The following KDM4A variants were observed in gnomAD, a reference collection of about 807,000 sequenced individuals.
KDM4A encodes the protein lysine-specific demethylase 4A.
In KDM4A, 23 loss-of-function variants were observed where a neutral mutation model predicts 127.1. That is an observed-to-expected ratio of 0.18 (90% CI 0.13 to 0.26). The LOEUF is 0.26. KDM4A is among the 10% of genes least tolerant of loss of function. The pLI, the probability that KDM4A is intolerant of heterozygous loss-of-function variation, is 1.00. For synonymous variants in KDM4A, 443 were observed against 466.5 expected (o/e 0.95, Z 0.65); for missense variants, 890 against 1,329.1 (o/e 0.67, Z 5.14).
intron 5 of KDM4A, 31 bp downstream of exon 5, chr1:43,663,118 T>C: frequency 1.9e-6 from 3 of 1,589,320 alleles, no homozygotes; most frequent in Non-Finnish European, 2.6e-6. Flanking sequence ...GCACCGGGCT[T>C]CTATGCTAGA....
At position 43,655,684 on chromosome 1, in the gene KDM4A, C is replaced by T; in HGVS notation, c.232C>T (p.Gln78Ter). Residue 78 changes from glutamine (Q) to a stop codon, truncating the protein, a stop_gained, in exon 3 of 22, where the codon CAG becomes TAG. Transcript: ENST00000372396. LOFTEE classifies it high-confidence loss of function. ...PAPIQQLVTG[Q>*]SGLFTQYNIQ... The stretch of plus-strand genomic sequence containing the variant: ...CCCCATTCAACAGCTGGTGACGGGG[C>T]AGTCTGGCCTCTTTACTCAGTACAA... 6.2e-7 allele frequency: 1 copy of T among 1,613,970 alleles called. No homozygotes were observed.
At chr1:43,658,253 G>C (rs543229112) in intron 3 of KDM4A, among the ~76,000 whole-genome samples, 59 of 151,806 alleles carry the variant, frequency 3.9e-4, no homozygotes, top group Non-Finnish European at 7.5e-4. Flanking sequence ...TGTATTTTTA[G>C]TAGAGACGGG....
chr1:43,697,433 C>G (rs1661267248), intron 18 of KDM4A, among the ~76,000 whole-genome samples: 1 of 152,224 alleles, frequency 6.6e-6, no homozygotes, highest in Admixed American at 6.5e-5. Flanking sequence ...GGTAATGCTG[C>G]AGGTGCTAAG....
intron 1 of KDM4A, among the ~76,000 whole-genome samples, chr1:43,650,837 C>T (rs998040616): frequency 9.9e-5 from 15 of 152,148 alleles, no homozygotes; most frequent in Admixed American, 8.5e-4. Context: ...CGGCAGAGAC[C>T]GGATCTGTAT....
At chr1:43,686,155 T>C (rs1027051307) in intron 12 of KDM4A, among the ~76,000 whole-genome samples, 3 of 140,902 alleles carry the variant, frequency 2.1e-5, no homozygotes, top group Non-Finnish European at 3.1e-5. Flanking sequence ...TTTCTTGTTT[T>C]TTTTTTTTTT....
chr1:43,683,904 C>A, intron 12 of KDM4A, 100 bp downstream of exon 12: 1 of 1,376,368 alleles, frequency 7.3e-7, no homozygotes, highest in Non-Finnish European at 1.0e-6. Flanking sequence ...AAGGGTGGGC[C>A]TGTGGCTTAG....
At chr1:43,678,595 T>G (rs900759601) in intron 11 of KDM4A, among the ~76,000 whole-genome samples, 3 of 150,926 alleles carry the variant, frequency 2.0e-5, no homozygotes, top group Non-Finnish European at 4.4e-5. Flanking sequence ...AGGTTTTTTT[T>G]TTTTTTTTTT....
At chr1:43,659,953 C>T (rs963051556) in intron 3 of KDM4A, among the ~76,000 whole-genome samples, 4 of 152,128 alleles carry the variant, frequency 2.6e-5, no homozygotes, top group African/African-American at 9.7e-5. Context: ...ATGTAGGGAC[C>T]TTGGGTCTTG....
At chr1:43,691,438 A>C in intron 14 of KDM4A, 58 bp from the exon 15 acceptor site, 1 of 1,403,676 alleles carries the variant, frequency 7.1e-7, no homozygotes, top group Non-Finnish European at 1.0e-6. Context: ...GGAATTGCAA[A>C]TCTACCTTTT....
In KDM4A at chr1:43,652,175, C is replaced by T. The variant is rs545168851; in HGVS notation, c.-39-962C>T. Among the ~76,000 whole-genome samples, 7 of 152,282 alleles carry T rather than the reference C, an allele frequency of 4.6e-5. No individual in the cohort carries two copies. The South Asian group carries it at 1.5e-3, about 32-fold the overall frequency. ...TGCTGGGATTACAAGGCGTAAGCCA[C>T]CGCACCCAGCCATGGGTGGCTTTCA... is the stretch of plus-strand genomic sequence containing the variant. On this transcript the variant is annotated intron_variant, in intron 1 of 21. Coordinates refer to ENST00000372396, the MANE Select transcript of KDM4A (RefSeq NM_014663.3).
At position 43,680,024 on chromosome 1, in the gene KDM4A, C is replaced by T. The variant is rs553745438; in HGVS notation, c.1735-3660C>T. 9.9e-4 allele frequency among the ~76,000 whole-genome samples: 151 copies of T among 152,252 alleles called. 1 individual carries two copies. In the Middle Eastern group the frequency reaches 0.014, roughly 14 times the overall value. ...CAGGCTCACACAGCTGCTAGTTGGT[C>T]GAACCCTGACCTTTCTGTTATATAC... is the stretch of plus-strand genomic sequence containing the variant. On this transcript the variant is annotated intron_variant, in intron 11 of 21. Coordinates refer to ENST00000372396, the MANE Select transcript of KDM4A (RefSeq NM_014663.3).
chr1:43,659,558 A>G (rs987646463), intron 3 of KDM4A, among the ~76,000 whole-genome samples: 30 of 152,088 alleles, frequency 2.0e-4, no homozygotes, highest in African/African-American at 7.2e-4. Flanking sequence ...ACCTCAGGTG[A>G]TCCGCCCCCG....
intron 1 of KDM4A, among the ~76,000 whole-genome samples, chr1:43,651,963 T>C (rs1660123290): frequency 6.6e-6 from 1 of 152,270 alleles, no homozygotes; most frequent in Non-Finnish European, 1.5e-5. Flanking sequence ...AACTGCATCT[T>C]AGTTTCAACA....
rs1184848443 is a variant in KDM4A at position 43,693,612 on chromosome 1, C to G, written c.2376-382C>G. Among the ~76,000 whole-genome samples the G allele has an allele frequency of 6.6e-6, 1 of 151,838 alleles. No homozygotes were observed. Among genetic ancestry groups the G allele is most frequent in the Non-Finnish European group, 1.5e-5 (1 of 68,036 alleles). The stretch of plus-strand genomic sequence containing the variant: ...GATTACTGGCAGATTAGGGCACAGC[C>G]GGGGACGTTTTCAGGAAGCACTTGG... On this transcript the variant is annotated intron_variant, in intron 16 of 21. Coordinates refer to ENST00000372396, the MANE Select transcript of KDM4A (RefSeq NM_014663.3). The surrounding 1 kb of genome is among the most constrained non-coding windows in gnomAD (Gnocchi z 4.2).
chr1:43,693,945 C>T lies in KDM4A; in HGVS notation c.2376-49C>T. On this transcript the variant is annotated intron_variant, in intron 16 of 21. Coordinates refer to ENST00000372396, the MANE Select transcript of KDM4A (RefSeq NM_014663.3). The surrounding 1 kb of genome is among the most constrained non-coding windows in gnomAD (Gnocchi z 4.2). The stretch of plus-strand genomic sequence containing the variant: ...TCAGCAGGCCCAAAAGAGAAGGCCA[C>T]AGAGCCTTGGGCCCAGAGGTGACTG... 1.1e-5 allele frequency: 16 copies of T among 1,522,482 alleles called. No individual in the cohort carries two copies. The highest frequency in any genetic ancestry group is 1.4e-5 in the Non-Finnish European group (15 of 1,098,444). The allele number at this position is 1,522,482 out of a possible 1,614,324, so 94.3% of individuals were successfully genotyped here.
intron 3 of KDM4A, among the ~76,000 whole-genome samples, chr1:43,656,967 A>G (rs548562196): frequency 6.6e-6 from 1 of 151,858 alleles, no homozygotes; most frequent in Non-Finnish European, 1.5e-5. Flanking sequence ...TAGTGGTGCA[A>G]TCATGGCTTA....
intron 18 of KDM4A, among the ~76,000 whole-genome samples, chr1:43,696,047 G>A (rs772786080): frequency 2.6e-4 from 40 of 152,190 alleles, no homozygotes; most frequent in Non-Finnish European, 4.7e-4. Flanking sequence ...AACTGTGAGG[G>A]TAAAGATTTG....
chr1:43,661,269 T>G (rs1157926620), intron 4 of KDM4A, among the ~76,000 whole-genome samples: 1 of 151,820 alleles, frequency 6.6e-6, no homozygotes, highest in African/African-American at 2.4e-5. Flanking sequence ...GCCACTGCGC[T>G]TGGCCCATAT....
chr1:43,698,598 C>T (rs1661301769), intron 19 of KDM4A, among the ~76,000 whole-genome samples: 1 of 152,146 alleles, frequency 6.6e-6, no homozygotes, highest in Non-Finnish European at 1.5e-5. Flanking sequence ...CCCACCTTGC[C>T]TTTTCAGTTG....
Sources: allele counts gnomAD v4.1 joint callset (sites outside exome capture counted in the v4.1 genomes callset), GRCh38; gene constraint gnomAD v4.1.1; non-coding constraint Gnocchi (gnomAD v3.1); transcripts MANE v1.5; gene names NCBI Gene and HGNC (gene_info 2026-07-23, HGNC 2026-07-21).